EYS: variants seen among roughly 807,000 people sequenced by gnomAD.
EYS encodes protein eyes shut homolog.
EYS carries 250 observed loss-of-function variants against 282.1 expected under a neutral mutation model. The ratio of observed to expected loss-of-function variants is 0.89; its 90% CI spans 0.80 to 0.98. The LOEUF is 0.98. Among genes scored for constraint, EYS ranks in the 50% least tolerant of loss-of-function variants. EYS has a pLI of 0.00. For missense variants in EYS, 4,016 were observed against 3,709.0 expected (o/e 1.08, Z -2.15); for synonymous variants, 1,355 against 1,282.9 (o/e 1.06, Z -1.20).
rs193170289 is a variant in EYS at position 64,023,523 on chromosome 6, C to T, written c.6726-24340G>A. 4.7e-3 allele frequency among the ~76,000 whole-genome samples: 716 copies of T among 152,298 alleles called. 7 individuals are homozygous for T. Among genetic ancestry groups the T allele is most frequent in the Middle Eastern group, 6.8e-3 (2 of 294 alleles). ...TGTACGGTGTAAAATGGCATGGTCT[C>T]GATTTTTCCACAGCTTCACCAACAC... On this transcript the variant is annotated intron_variant, in intron 33 of 42. Coordinates refer to ENST00000503581, the MANE Select transcript of EYS (RefSeq NM_001142800.2).
intron 31 of EYS, among the ~76,000 whole-genome samples, chr6:64,109,439 G>A (rs1773135126): frequency 6.6e-6 from 1 of 151,778 alleles, no homozygotes; most frequent in African/African-American, 2.4e-5. Context: ...ATATTTCTAT[G>A]TAATATAAAA....
chr6:63,831,508 G>A (rs1345541327), intron 36 of EYS, among the ~76,000 whole-genome samples: 1 of 152,136 alleles, frequency 6.6e-6, no homozygotes, highest in Non-Finnish European at 1.5e-5. Flanking sequence ...TCAACAAAAA[G>A]AGCTAACTAT....
chr6:64,272,042 C>G (rs1340078669), intron 30 of EYS, among the ~76,000 whole-genome samples: 1 of 152,008 alleles, frequency 6.6e-6, no homozygotes, highest in Admixed American at 6.6e-5. Context: ...TTCCCTATTA[C>G]TTTAAGTTTT....
rs1301459733 is a variant in EYS, at chr6:64,996,142, A to T, written c.2259+1440T>A. Among the ~76,000 whole-genome samples the T allele has an allele frequency of 2.0e-5, 3 of 152,138 alleles. No individual in the cohort carries two copies. The East Asian group carries it at 5.8e-4, about 29-fold the overall frequency. On this transcript the variant is annotated intron_variant, in intron 14 of 42. Transcript: ENST00000503581. ...TAATATTAAACAAGAGGCCATAAGG[A>T]TCAAATATATTAGGTCCAGAGGTTG...
At chr6:65,021,925 C>A (rs529603337) in intron 13 of EYS, among the ~76,000 whole-genome samples, 1 of 152,116 alleles carries the variant, frequency 6.6e-6, no homozygotes, top group Non-Finnish European at 1.5e-5. Flanking sequence ...CTTGTGAGAA[C>A]TCACTCACTC....
chr6:64,724,867 G>C (rs930179777), intron 22 of EYS, among the ~76,000 whole-genome samples: 1 of 151,960 alleles, frequency 6.6e-6, no homozygotes, highest in African/African-American at 2.4e-5. Flanking sequence ...GTAAAAGGTG[G>C]CTTCAAATTT....
At chr6:65,659,383 G>A (rs556707574) in intron 1 of EYS, among the ~76,000 whole-genome samples, 14 of 151,680 alleles carry the variant, frequency 9.2e-5, no homozygotes, top group South Asian at 2.1e-4. Flanking sequence ...AAGGAAAACC[G>A]TAAGAAAATA....
At chr6:64,444,559 A>G (rs1291458534) in intron 26 of EYS, among the ~76,000 whole-genome samples, 2 of 152,208 alleles carry the variant, frequency 1.3e-5, no homozygotes, top group Non-Finnish European at 2.9e-5. Flanking sequence ...GGAAACCCAT[A>G]TATGCATTCA....
chr6:64,314,397 AC>A (rs111247456), intron 29 of EYS, among the ~76,000 whole-genome samples: 35 of 152,238 alleles, frequency 2.3e-4, no homozygotes, highest in African/African-American at 7.2e-4. Context: ...GTTCTTAGAG[AC>A]CTACAAAGAG....
At chr6:64,092,272 T>C (rs768387217) in intron 31 of EYS, among the ~76,000 whole-genome samples, 25 of 152,220 alleles carry the variant, frequency 1.6e-4, no homozygotes, top group Non-Finnish European at 2.8e-4. Flanking sequence ...TACCCAGTAA[T>C]GGGATGGGTG....
At chr6:65,648,725 A>G (rs1259126306) in intron 1 of EYS, among the ~76,000 whole-genome samples, 1 of 148,280 alleles carries the variant, frequency 6.7e-6, no homozygotes, top group Non-Finnish European at 1.5e-5. Context: ...AAATCAATTT[A>G]TAAAACAAAC....
At chr6:65,051,530 C>A (rs1773267755) in intron 13 of EYS, among the ~76,000 whole-genome samples, 1 of 151,508 alleles carries the variant, frequency 6.6e-6, no homozygotes, top group African/African-American at 2.4e-5. Context: ...ACATGTATTA[C>A]CTCACACACA....
At chr6:64,270,903 TA>T (rs202063994) in intron 30 of EYS, among the ~76,000 whole-genome samples, 2,375 of 152,278 alleles carry the variant, frequency 0.016, 20 homozygotes, top group South Asian at 0.034. Flanking sequence ...TTATAACTTA[TA>T]AAAAATGGTG....
intron 22 of EYS, among the ~76,000 whole-genome samples, chr6:64,671,887 T>G (rs1341681696): frequency 6.6e-6 from 1 of 152,120 alleles, no homozygotes; most frequent in African/African-American, 2.4e-5. Context: ...ATTAAGTATG[T>G]TGATAGAAAA....
chr6:64,926,408 G>T (rs965261341), intron 15 of EYS, among the ~76,000 whole-genome samples: 1 of 152,180 alleles, frequency 6.6e-6, no homozygotes, highest in African/African-American at 2.4e-5. Flanking sequence ...CCCAGTTCTA[G>T]GAGAGCATGC....
At chr6:63,745,027 A>G (rs1358802976) in intron 41 of EYS, 12 of 432,240 alleles carry the variant, frequency 2.8e-5, no homozygotes, top group South Asian at 2.0e-4. Context: ...TGACCTGGCA[A>G]GAAAAAAGAA....
At chr6:64,811,536 T>C (rs1387594229) in intron 22 of EYS, among the ~76,000 whole-genome samples, 1 of 152,060 alleles carries the variant, frequency 6.6e-6, no homozygotes, top group Non-Finnish European at 1.5e-5. Flanking sequence ...GTTGGAACCT[T>C]AGTGCAGCAA....
At chr6:63,877,515 G>A (rs545884893) in intron 35 of EYS, among the ~76,000 whole-genome samples, 1 of 152,098 alleles carries the variant, frequency 6.6e-6, no homozygotes, top group East Asian at 1.9e-4. Flanking sequence ...TGACTGTTGG[G>A]CTGCCTTGCT....
intron 28 of EYS, among the ~76,000 whole-genome samples, chr6:64,390,968 G>T (rs565945276): frequency 6.6e-5 from 10 of 152,042 alleles, no homozygotes; most frequent in African/African-American, 2.4e-4. Context: ...CGAGAACTAC[G>T]TGAAGAATGC....
Sources: gnomAD v4.1 joint callset for allele counts (sites outside exome capture counted in the v4.1 genomes callset) on GRCh38, gnomAD v4.1.1 for gene constraint, MANE v1.5 for transcripts, NCBI Gene and HGNC (gene_info 2026-07-23, HGNC 2026-07-21) for gene names.